Variants in CHCHD6 observed in about 807,000 individuals in gnomAD.
CHCHD6 encodes the protein MICOS complex subunit MIC25.
A neutral mutation model predicts 32.3 loss-of-function variants in CHCHD6; 28 were observed. That is an observed-to-expected ratio of 0.87 (90% CI 0.64 to 1.19). CHCHD6 has a LOEUF of 1.19. CHCHD6 is among the 50% of genes most tolerant of loss of function. The pLI, the probability that CHCHD6 is intolerant of heterozygous loss-of-function variation, is 0.00. For missense variants in CHCHD6, 333 were observed against 307.0 expected (o/e 1.08, Z -0.63); for synonymous variants, 122 against 117.5 (o/e 1.04, Z -0.25).
At chr3:126,925,430 T>C (rs528275771) in intron 6 of CHCHD6, among the ~76,000 whole-genome samples, 24 of 152,340 alleles carry the variant, frequency 1.6e-4, no homozygotes, top group African/African-American at 5.8e-4. Flanking sequence ...GCAAAGAACT[T>C]CCTGATTTGC....
chr3:126,772,649 TC>T (rs1226407357), intron 4 of CHCHD6, among the ~76,000 whole-genome samples: 1 of 152,212 alleles, frequency 6.6e-6, no homozygotes, highest in Non-Finnish European at 1.5e-5. Context: ...GAGATGGGTC[TC>T]TTGAAGACAG....
intron 4 of CHCHD6, among the ~76,000 whole-genome samples, chr3:126,762,430 A>G (rs1346061266): frequency 6.6e-6 from 1 of 152,104 alleles, no homozygotes; most frequent in African/African-American, 2.4e-5. Context: ...TTTCCACAAT[A>G]TTTGTGAATT....
chr3:126,917,630 A>G (rs1281144802), intron 6 of CHCHD6, among the ~76,000 whole-genome samples: 1 of 152,204 alleles, frequency 6.6e-6, no homozygotes, highest in African/African-American at 2.4e-5. Flanking sequence ...TATTAGTGTG[A>G]CTGTTTGCTA....
chr3:126,798,673 T>C (rs1458182524), intron 4 of CHCHD6, among the ~76,000 whole-genome samples: 1 of 152,184 alleles, frequency 6.6e-6, no homozygotes, highest in Non-Finnish European at 1.5e-5. Context: ...GCGGCTGGGC[T>C]GAGTCACCTT....
intron 4 of CHCHD6, among the ~76,000 whole-genome samples, chr3:126,785,721 A>T (rs933636658): frequency 3.3e-5 from 5 of 152,108 alleles, no homozygotes. Flanking sequence ...ATCATTGCAG[A>T]CTCTATCCAT....
At chr3:126,719,051 A>C (rs569087976) in intron 1 of CHCHD6, among the ~76,000 whole-genome samples, 3 of 152,078 alleles carry the variant, frequency 2.0e-5, no homozygotes, top group Non-Finnish European at 4.4e-5. Flanking sequence ...CCTCCCACTC[A>C]CCTGTGCAGA....
chr3:126,759,893 C>T (rs1160285783), intron 4 of CHCHD6, among the ~76,000 whole-genome samples: 1 of 152,158 alleles, frequency 6.6e-6, no homozygotes, highest in Non-Finnish European at 1.5e-5. Context: ...GTACAGGAAG[C>T]ATGGCACTAG....
chr3:126,720,640 A>C (rs1935237029), intron 1 of CHCHD6, among the ~76,000 whole-genome samples: 1 of 152,212 alleles, frequency 6.6e-6, no homozygotes, highest in Non-Finnish European at 1.5e-5. Flanking sequence ...CACCATTTGG[A>C]TGCCCAGATC....
At chr3:126,771,677 G>C (rs932313359) in intron 4 of CHCHD6, among the ~76,000 whole-genome samples, 1 of 152,122 alleles carries the variant, frequency 6.6e-6, no homozygotes, top group Middle Eastern at 3.4e-3. Context: ...TTGTCTTCCA[G>C]CTTTGGGGCT....
chr3:126,957,907 G>A lies in CHCHD6; in HGVS notation c.702+356G>A. 6.3e-5 allele frequency: 24 copies of A among 382,000 alleles called. 2 individuals carry two copies. Among genetic ancestry groups the A allele is most frequent in the South Asian group, 5.7e-4 (24 of 42,368 alleles). 23.7% of individuals were successfully genotyped at this position (382,000 alleles called of 1,614,324 possible). ...CTCGGCACTTAGGGGTGGGAGGGTGGCAGAGGCCCGAGTGCAGAGTGGGGG... is the reference window on the plus strand; with the variant it reads ...CTCGGCACTTAGGGGTGGGAGGGTGACAGAGGCCCGAGTGCAGAGTGGGGG... On this transcript the variant is annotated intron_variant, in intron 7 of 7. Coordinates refer to ENST00000290913, the MANE Select transcript of CHCHD6 (RefSeq NM_032343.3).
At chr3:126,945,916 G>A (rs1468366750) in intron 6 of CHCHD6, among the ~76,000 whole-genome samples, 2 of 152,062 alleles carry the variant, frequency 1.3e-5, no homozygotes, top group African/African-American at 4.8e-5. Context: ...AGACGACAGG[G>A]GGTGGGGAAC....
intron 6 of CHCHD6, among the ~76,000 whole-genome samples, chr3:126,930,736 G>A (rs891968577): frequency 6.6e-6 from 1 of 152,148 alleles, no homozygotes; most frequent in Admixed American, 6.5e-5. Context: ...GCTGAGTAAG[G>A]AAACCTCTAT....
At chr3:126,847,703 A>G (rs781413726) in intron 4 of CHCHD6, among the ~76,000 whole-genome samples, 3 of 151,878 alleles carry the variant, frequency 2.0e-5, no homozygotes, top group African/African-American at 7.3e-5. Context: ...TATTTCTATA[A>G]TTTTATTTGG....
intron 5 of CHCHD6, among the ~76,000 whole-genome samples, chr3:126,863,988 C>T (rs1942116780): frequency 6.7e-6 from 1 of 150,344 alleles, no homozygotes; most frequent in Non-Finnish European, 1.5e-5. Flanking sequence ...CCTCCTCCAC[C>T]ATCACTACCT....
chr3:126,757,764 A>G (rs888935081), intron 4 of CHCHD6, among the ~76,000 whole-genome samples: 1 of 152,184 alleles, frequency 6.6e-6, no homozygotes, highest in African/African-American at 2.4e-5. Context: ...GTGAGCACCT[A>G]CGTACCACAG....
At chr3:126,817,421 A>C (rs976686671) in intron 4 of CHCHD6, among the ~76,000 whole-genome samples, 2 of 152,114 alleles carry the variant, frequency 1.3e-5, no homozygotes, top group African/African-American at 4.8e-5. Flanking sequence ...TTACCAAAAA[A>C]AGACCCTGGC....
At chr3:126,719,639 A>G (rs769072899) in intron 1 of CHCHD6, among the ~76,000 whole-genome samples, 7 of 152,168 alleles carry the variant, frequency 4.6e-5, no homozygotes, top group Non-Finnish European at 8.8e-5. Flanking sequence ...GTGAGGGAGG[A>G]CATGGGAAAC....
At chr3:126,933,532 T>G (rs185915399) in intron 6 of CHCHD6, among the ~76,000 whole-genome samples, 37 of 152,294 alleles carry the variant, frequency 2.4e-4, no homozygotes, top group African/African-American at 8.7e-4. Context: ...CTTACAATTA[T>G]GGAGGAAGGC....
At chr3:126,773,618 T>C (rs936849497) in intron 4 of CHCHD6, among the ~76,000 whole-genome samples, 4 of 147,680 alleles carry the variant, frequency 2.7e-5, no homozygotes, top group African/African-American at 7.5e-5. Flanking sequence ...TTTTTTTTTT[T>C]TTTTTTTTGA....
Sources: allele counts gnomAD v4.1 joint callset (sites outside exome capture counted in the v4.1 genomes callset), GRCh38; gene constraint gnomAD v4.1.1; transcripts MANE v1.5; gene names NCBI Gene and HGNC (gene_info 2026-07-23, HGNC 2026-07-21).